Variants in ULK4 observed in about 807,000 individuals in gnomAD.
ULK4 encodes the protein unc-51 like kinase 4.
ULK4 carries 133 observed loss-of-function variants against 160.6 expected under a neutral mutation model. The ratio of observed to expected loss-of-function variants is 0.83; its 90% CI spans 0.72 to 0.96. The LOEUF (loss-of-function observed/expected upper bound fraction) is 0.96, where lower values mean the gene tolerates loss of function less well. Ranked by LOEUF, ULK4 falls within the 40% of genes least tolerant of loss-of-function variation. The pLI is 0.00. For synonymous variants in ULK4, 534 were observed against 539.8 expected, an observed-to-expected ratio of 0.99 and a Z score of 0.15; for missense variants, 1,580 against 1,499.5, an observed-to-expected ratio of 1.05 and a Z score of -0.89.
At chr3:41,351,578 G>T (rs1475567934) in intron 35 of ULK4, among the ~76,000 whole-genome samples, 1 of 152,156 alleles carries the variant, frequency 6.6e-6, no homozygotes. Context: ...TCTTATTCAA[G>T]ATACAAATTG....
At chr3:41,571,590 G>A (rs2087976384) in intron 31 of ULK4, among the ~76,000 whole-genome samples, 1 of 152,128 alleles carries the variant, frequency 6.6e-6, no homozygotes, top group African/African-American at 2.4e-5. Context: ...TTTCTTCTTG[G>A]ACATAACTGG....
intron 25 of ULK4, among the ~76,000 whole-genome samples, chr3:41,709,902 C>T (rs1455762863): frequency 1.3e-5 from 2 of 152,122 alleles, no homozygotes; most frequent in African/African-American, 2.4e-5. Flanking sequence ...TACGTAACAA[C>T]AATCCCTTCT....
Position 41,587,812 on chromosome 3 carries a change from A to G in ULK4, c.3121-21682T>C, listed in dbSNP as rs144212225. On this transcript the variant is annotated intron_variant, in intron 31 of 36. Coordinates refer to ENST00000301831, the MANE Select transcript of ULK4 (RefSeq NM_017886.4). ...TCATGTCACAGATAAAAGCTTTAAA[A>G]TTAAATCTTTTTTAAATATCGGTTA... 1.8e-4 allele frequency among the ~76,000 whole-genome samples: 28 copies of G among 152,338 alleles called. No homozygotes were observed. The East Asian group carries it at 5.2e-3, about 28-fold the overall frequency.
intron 18 of ULK4, among the ~76,000 whole-genome samples, chr3:41,824,760 G>A (rs1015885479): frequency 1.3e-5 from 2 of 152,192 alleles, no homozygotes; most frequent in African/African-American, 4.8e-5. Context: ...CCAAACAAAA[G>A]GCAGGAGAAA....
chr3:41,874,084 G>A (rs895808027), intron 17 of ULK4, among the ~76,000 whole-genome samples: 3 of 152,022 alleles, frequency 2.0e-5, no homozygotes, highest in Non-Finnish European at 2.9e-5. Context: ...AGTGCAACAA[G>A]TGCTATTTGT....
intron 34 of ULK4, among the ~76,000 whole-genome samples, chr3:41,417,504 T>G (rs2082554385): frequency 6.6e-6 from 1 of 152,006 alleles, no homozygotes; most frequent in Admixed American, 6.6e-5. Context: ...GTTAGCCTAG[T>G]ATAGGGGAAA....
intron 27 of ULK4, among the ~76,000 whole-genome samples, chr3:41,692,897 T>C (rs1229545763): frequency 1.3e-5 from 2 of 152,198 alleles, no homozygotes; most frequent in Non-Finnish European, 2.9e-5. Context: ...TTAGCTTCTG[T>C]GTATGTCAGT....
At chr3:41,826,197 C>G (rs189799548) in intron 18 of ULK4, among the ~76,000 whole-genome samples, 26 of 152,290 alleles carry the variant, frequency 1.7e-4, no homozygotes, top group Non-Finnish European at 3.4e-4. Flanking sequence ...CCAGCCACTG[C>G]AAAAACATGC....
chr3:41,701,224 C>T (rs1559494497), intron 27 of ULK4, among the ~76,000 whole-genome samples: 1 of 152,056 alleles, frequency 6.6e-6, no homozygotes, highest in Non-Finnish European at 1.5e-5. Flanking sequence ...TCAAGCAGCA[C>T]AGAGAATCCT....
At chr3:41,888,961 G>A (rs1231307182) in intron 16 of ULK4, among the ~76,000 whole-genome samples, 2 of 152,110 alleles carry the variant, frequency 1.3e-5, no homozygotes, top group Non-Finnish European at 2.9e-5. Context: ...AAGAGACTTA[G>A]GCAAGCATAA....
chr3:41,386,773 G>A (rs2081822064), intron 35 of ULK4, among the ~76,000 whole-genome samples: 1 of 152,212 alleles, frequency 6.6e-6, no homozygotes, highest in Non-Finnish European at 1.5e-5. Flanking sequence ...GAGACCGCAA[G>A]TAAGGATGAA....
At chr3:41,377,101 C>T (rs1253892669) in intron 35 of ULK4, among the ~76,000 whole-genome samples, 1 of 151,998 alleles carries the variant, frequency 6.6e-6, no homozygotes, top group Non-Finnish European at 1.5e-5. Context: ...CTTTGACAAA[C>T]CTGACAAAAA....
At chr3:41,772,633 C>T (rs1022799040) in intron 21 of ULK4, among the ~76,000 whole-genome samples, 3 of 152,124 alleles carry the variant, frequency 2.0e-5, no homozygotes, top group African/African-American at 4.8e-5. Flanking sequence ...CCGAATTCTA[C>T]CAGAGGTACA....
chr3:41,414,274 C>A (rs1236801050), intron 34 of ULK4, among the ~76,000 whole-genome samples: 1 of 152,164 alleles, frequency 6.6e-6, no homozygotes, highest in Non-Finnish European at 1.5e-5. Context: ...TCAAACCTAA[C>A]TTTATTGCAA....
chr3:41,658,094 G>T lies in ULK4; in HGVS notation c.3071+5513C>A, dbSNP rs142895861. ...AGAAATTAATATCAAAGACTTAATC[G>T]TCACATAAGGGAATGGCAAAGATCA... On this transcript the variant is annotated intron_variant, in intron 30 of 36. Coordinates refer to ENST00000301831, the MANE Select transcript of ULK4 (RefSeq NM_017886.4). 2.0e-3 allele frequency among the ~76,000 whole-genome samples: 312 copies of T among 152,218 alleles called. 2 individuals carry two copies. The highest frequency in any genetic ancestry group is 7.1e-3 in the African/African-American group (294 of 41,522).
intron 27 of ULK4, among the ~76,000 whole-genome samples, chr3:41,688,821 T>C (rs2036186258): frequency 3.9e-5 from 6 of 152,202 alleles, no homozygotes; most frequent in Admixed American, 3.9e-4. Context: ...TACCTTCTCC[T>C]AACTGCTATT....
intron 25 of ULK4, among the ~76,000 whole-genome samples, chr3:41,707,366 T>C (rs947537006): frequency 6.6e-6 from 1 of 151,852 alleles, no homozygotes; most frequent in Non-Finnish European, 1.5e-5. Flanking sequence ...AGTAGACAAA[T>C]GGGATTACAT....
chr3:41,593,845 A>G (rs1408358612), intron 31 of ULK4, among the ~76,000 whole-genome samples: 1 of 151,942 alleles, frequency 6.6e-6, no homozygotes, highest in African/African-American at 2.4e-5. Flanking sequence ...AGCCTGGGCA[A>G]CACGGTGAAA....
At chr3:41,269,500 G>T (rs891853403) in intron 35 of ULK4, among the ~76,000 whole-genome samples, 3 of 152,054 alleles carry the variant, frequency 2.0e-5, no homozygotes, top group African/African-American at 7.2e-5. Context: ...GATATTAGGA[G>T]GCTACAGTCC....
Sources: gnomAD v4.1 joint callset for allele counts (sites outside exome capture counted in the v4.1 genomes callset) on GRCh38, gnomAD v4.1.1 for gene constraint, MANE v1.5 for transcripts, NCBI Gene and HGNC (gene_info 2026-07-23, HGNC 2026-07-21) for gene names.